The following RYR3 variants were observed in gnomAD, a reference collection of about 807,000 sequenced individuals.
RYR3 encodes the protein brain ryanodine receptor-calcium release channel.
Under a neutral mutation model 584.3 loss-of-function variants are expected in RYR3, and 207 were observed. The observed-to-expected ratio is 0.35, with a 90% CI of 0.32 to 0.40. The LOEUF is 0.40. RYR3 is among the 10% of genes least tolerant of loss of function. The pLI, the probability that RYR3 is intolerant of heterozygous loss-of-function variation, is 1.00. For synonymous variants in RYR3, 2,416 were observed against 2,248.5 expected, an observed-to-expected ratio of 1.07 and a Z score of -2.11; for missense variants, 5,616 against 6,089.2, an observed-to-expected ratio of 0.92 and a Z score of 2.59.
Position 33,736,301 on chromosome 15 carries a change from T to C in RYR3, c.7491T>C (p.Asn2497=). 6.2e-7 allele frequency: 1 copy of C among 1,612,410 alleles called. No homozygotes were observed. Among genetic ancestry groups the C allele is most frequent in the Non-Finnish European group, 8.5e-7 (1 of 1,179,166 alleles). Residue 2497 remains asparagine, a synonymous_variant, in exon 49 of 104, where the codon AAT becomes AAC. Transcript: ENST00000634891. Reference sequence around the variant, plus strand: ...TCGTTTTTGATGTGCCGCAACTCAATGAATACTGCAAAATGCCTCTCAAGG... The same window carrying C: ...TCGTTTTTGATGTGCCGCAACTCAACGAATACTGCAAAATGCCTCTCAAGG... The part of the protein sequence containing the change: ...RRLVFDVPQL[N]EYCKMPLKLL...
chr15:33,552,889 T>A (rs535697413), intron 10 of RYR3, among the ~76,000 whole-genome samples: 1 of 152,298 alleles, frequency 6.6e-6, no homozygotes, highest in Admixed American at 6.5e-5. Flanking sequence ...TTTCCTTAAA[T>A]GCATTCTCTG....
intron 38 of RYR3, among the ~76,000 whole-genome samples, chr15:33,693,014 G>A (rs2065553321): frequency 1.3e-5 from 2 of 152,164 alleles, no homozygotes; most frequent in African/African-American, 4.8e-5. Flanking sequence ...TGCTTTTCCA[G>A]TGTGGCAGGG....
At chr15:33,824,174 C>T (rs1169938453) in intron 81 of RYR3, among the ~76,000 whole-genome samples, 2 of 152,092 alleles carry the variant, frequency 1.3e-5, no homozygotes, top group Non-Finnish European at 2.9e-5. Context: ...TAAAGTTATC[C>T]ATTTACTTTC....
intron 8 of RYR3, among the ~76,000 whole-genome samples, chr15:33,546,996 A>G (rs1212694925): frequency 6.6e-6 from 1 of 152,216 alleles, no homozygotes; most frequent in African/African-American, 2.4e-5. Context: ...AGAGGTCACA[A>G]GATTCTCAGA....
intron 26 of RYR3, 93 bp from the exon 27 acceptor site, chr15:33,636,283 C>T (rs991890395): frequency 5.7e-6 from 6 of 1,056,042 alleles, no homozygotes; most frequent in African/African-American, 1.6e-5. Context: ...GTAACCACTA[C>T]TAGTTAGGAG....
At chr15:33,539,065 T>C (rs947907847) in intron 5 of RYR3, 6 of 210,238 alleles carry the variant, frequency 2.9e-5, no homozygotes, top group African/African-American at 1.4e-4. Flanking sequence ...AAAGCATTTT[T>C]CCTATTTGCA....
intron 40 of RYR3, among the ~76,000 whole-genome samples, chr15:33,698,465 G>A (rs2066019902): frequency 6.6e-6 from 1 of 152,196 alleles, no homozygotes; most frequent in Non-Finnish European, 1.5e-5. Flanking sequence ...CTCATAAGGA[G>A]CCCGCATCAG....
chr15:33,763,694 C>T (rs979307660), intron 60 of RYR3, among the ~76,000 whole-genome samples: 1 of 151,910 alleles, frequency 6.6e-6, no homozygotes, highest in African/African-American at 2.4e-5. Context: ...GATTTTGAGA[C>T]CAGCCTGGCC....
intron 16 of RYR3, among the ~76,000 whole-genome samples, chr15:33,589,545 C>G (rs2059023678): frequency 6.6e-6 from 1 of 152,154 alleles, no homozygotes; most frequent in Non-Finnish European, 1.5e-5. Flanking sequence ...AGACCAGTGT[C>G]CAGAAGAATT....
At chr15:33,590,205 T>A (rs1417917490) in intron 16 of RYR3, among the ~76,000 whole-genome samples, 3 of 152,186 alleles carry the variant, frequency 2.0e-5, no homozygotes, top group Non-Finnish European at 4.4e-5. Context: ...TGGAATGTCA[T>A]CGGTTAAGGC....
intron 89 of RYR3, 140 bp from the exon 90 acceptor site, chr15:33,840,685 A>T: frequency 1.4e-6 from 1 of 724,706 alleles, no homozygotes; most frequent in East Asian, 2.7e-5. Context: ...CAGGACACTT[A>T]TGTTCAGTGA....
rs1489841173 is a variant in RYR3, at chr15:33,785,887, C to G, written c.9494C>G (p.Thr3165Ser). ...PSTGPCCTKV[T>S]SEHLSLILGN... ...ACAGGGCCATGCTGCACCAAGGTCA[C>G]CTCTGAACACCTCAGTCTCATCCTG... Residue 3165 changes from threonine (T) to serine (S), a missense_variant, in exon 66 of 104, where the codon ACC becomes AGC. Transcript: ENST00000634891. 6.2e-7 allele frequency: 1 copy of G among 1,613,706 alleles called. No individual in the cohort carries two copies. The highest frequency in any genetic ancestry group is 8.5e-7 in the Non-Finnish European group (1 of 1,179,836).
chr15:33,852,289 A>G (rs1037459238), intron 94 of RYR3: 13 of 152,230 alleles, frequency 8.5e-5, no homozygotes, highest in African/African-American at 2.7e-4. Flanking sequence ...TAGGAACAAC[A>G]TATTTTCAAT....
At chr15:33,747,317 A>T (rs918528900) in intron 53 of RYR3, among the ~76,000 whole-genome samples, 4 of 145,860 alleles carry the variant, frequency 2.7e-5, no homozygotes, top group Non-Finnish European at 4.5e-5. Context: ...AGGCTGGTGT[A>T]TGTATCTTTG....
chr15:33,660,536 T>C, intron 34 of RYR3, 113 bp downstream of exon 34: 1 of 660,922 alleles, frequency 1.5e-6, no homozygotes, highest in Non-Finnish European at 2.5e-6. Context: ...TCAGTCCCAG[T>C]ATGACTTGAT....
At chr15:33,595,149 C>T (rs1365438027) in intron 16 of RYR3, among the ~76,000 whole-genome samples, 1 of 152,102 alleles carries the variant, frequency 6.6e-6, no homozygotes, top group Non-Finnish European at 1.5e-5. Flanking sequence ...CTTGATACTA[C>T]AAAATAGGAT....
At chr15:33,649,989 C>T (rs1299452292) in intron 31 of RYR3, among the ~76,000 whole-genome samples, 2 of 152,178 alleles carry the variant, frequency 1.3e-5, no homozygotes, top group African/African-American at 4.8e-5. Flanking sequence ...GAACGTTTTG[C>T]AATCAGTGTC....
rs1174046324 is a variant in RYR3, at chr15:33,810,581, A to G, written c.10129A>G (p.Ile3377Val). The G allele has an allele frequency of 1.2e-6, 2 of 1,613,980 alleles. No homozygotes were observed. The highest frequency in any genetic ancestry group is 1.1e-5 in the South Asian group (1 of 91,080). Reference protein sequence around the residue: ...IVAALKKMLPIGLNMCTPGDQ... With the variant: ...IVAALKKMLPVGLNMCTPGDQ... ...GGCTGCACTCAAGAAAATGCTGCCC[A>G]TTGGTTTGAATATGTGTACTCCAGG... Residue 3377 changes from isoleucine (I) to valine (V), a missense_variant, in exon 71 of 104, where the codon ATT (isoleucine) becomes GTT (valine). Around this residue, in one of 9 missense-constraint regions of RYR3, gnomAD observed 954 missense variants for 1,132.2 expected, o/e 0.84. Transcript: ENST00000634891.
At chr15:33,547,313 C>T (rs185683327) in intron 8 of RYR3, among the ~76,000 whole-genome samples, 28 of 152,170 alleles carry the variant, frequency 1.8e-4, no homozygotes, top group Admixed American at 9.8e-4. Context: ...GGCAGCTGAA[C>T]GCAGTGTGGT....
Sources: allele counts gnomAD v4.1 joint callset (sites outside exome capture counted in the v4.1 genomes callset), GRCh38; gene constraint gnomAD v4.1.1; regional missense constraint gnomAD v4.1.1; transcripts MANE v1.5; gene names NCBI Gene and HGNC (gene_info 2026-07-23, HGNC 2026-07-21).